The following KPNA7 variants were observed in gnomAD, a reference collection of about 807,000 sequenced individuals.
KPNA7 encodes importin subunit alpha-8.
Under a neutral mutation model 53.7 loss-of-function variants are expected in KPNA7, and 54 were observed. That is an observed-to-expected ratio of 1.01 (90% CI 0.81 to 1.26). KPNA7 has a LOEUF of 1.26. KPNA7 is among the 50% of genes most tolerant of loss of function. The probability of loss-of-function intolerance (pLI) is 0.00; values close to 1 mark genes in which losing one functional copy is unlikely to be tolerated. For missense variants in KPNA7, 640 were observed against 644.5 expected, an observed-to-expected ratio of 0.99 and a Z score of 0.07; for synonymous variants, 276 against 259.3, an observed-to-expected ratio of 1.06 and a Z score of -0.62.
rs190609673 is a variant in KPNA7, at chr7:99,202,642, C to T, written c.201+464G>A. 3.9e-5 allele frequency among the ~76,000 whole-genome samples: 6 copies of T among 152,062 alleles called. No homozygotes were observed. In the South Asian group the frequency reaches 6.2e-4, roughly 16 times the overall value. On this transcript the variant is annotated intron_variant, in intron 3 of 10. Coordinates refer to ENST00000327442, the MANE Select transcript of KPNA7 (RefSeq NM_001145715.3). ...GGCAGGTCACCTGAGTCCAGGGGTT[C>T]GAGACCCTCCTGGTAAACATGGCAA...
chr7:99,200,898 A>G (rs868140492), intron 3 of KPNA7, among the ~76,000 whole-genome samples: 7 of 151,738 alleles, frequency 4.6e-5, no homozygotes, highest in Non-Finnish European at 7.4e-5. Flanking sequence ...ATCCCGGGAG[A>G]CAAAAGTTGC....
chr7:99,156,773 C>A, the KPNA7 span, among the ~76,000 whole-genome samples: 2 of 152,128 alleles, frequency 1.3e-5, no homozygotes, highest in African/African-American at 2.4e-5. Context: ...GATCCACCCC[C>A]CTTGGCCTCC....
Position 99,199,301 on chromosome 7 carries a change from T to C in KPNA7, c.202-3135A>G, listed in dbSNP as rs556437002. On this transcript the variant is annotated intron_variant, in intron 3 of 10. Coordinates refer to ENST00000327442, the MANE Select transcript of KPNA7 (RefSeq NM_001145715.3). The stretch of plus-strand genomic sequence containing the variant: ...GGGTCCAGAATAGCCAAAATTATAT[T>C]GAAAAAAAGAACAAAGCTGGAAGAC... Among the ~76,000 whole-genome samples, 10 of 151,672 alleles carry C rather than the reference T, an allele frequency of 6.6e-5. No homozygotes were observed. In the East Asian group the frequency reaches 1.7e-3, roughly 26 times the overall value.
the KPNA7 span, among the ~76,000 whole-genome samples, chr7:99,160,860 T>C: frequency 1.3e-5 from 2 of 151,592 alleles, no homozygotes. Flanking sequence ...TATAGCAGAG[T>C]GATTGTATGC....
the KPNA7 span, among the ~76,000 whole-genome samples, chr7:99,160,323 CCTCTCCT>C: frequency 1.3e-5 from 2 of 152,082 alleles, no homozygotes; most frequent in Non-Finnish European, 2.9e-5. Context: ...ACGCACCCGG[CCTCTCCT>C]CTGTCTTTTG....
At chr7:99,187,157 G>A (rs1169579406) in intron 7 of KPNA7, among the ~76,000 whole-genome samples, 1 of 152,052 alleles carries the variant, frequency 6.6e-6, no homozygotes, top group East Asian at 1.9e-4. Context: ...CGTGATGGTA[G>A]TGGGTGCCTG....
At chr7:99,153,511 T>C in the KPNA7 span, among the ~76,000 whole-genome samples, 2 of 150,982 alleles carry the variant, frequency 1.3e-5, no homozygotes, top group South Asian at 4.2e-4. Flanking sequence ...GATTGTACCA[T>C]TGCACTCCAG....
the KPNA7 span, among the ~76,000 whole-genome samples, chr7:99,157,836 G>A: frequency 6.6e-6 from 1 of 151,936 alleles, no homozygotes; most frequent in African/African-American, 2.4e-5. Context: ...GTGCAGTGGT[G>A]TGATCACAGC....
chr7:99,181,031 G>C (rs62640522), intron 9 of KPNA7, among the ~76,000 whole-genome samples: 128 of 8,148 alleles, frequency 0.016, 59 homozygotes, highest in Middle Eastern at 0.17. Flanking sequence ...GTGTCTCTCT[G>C]TGTGTGTCTC....
intron 3 of KPNA7, 67 bp from the exon 4 acceptor site, chr7:99,196,233 G>C: frequency 1.8e-6 from 2 of 1,113,944 alleles, no homozygotes; most frequent in Non-Finnish European, 2.7e-6. Context: ...ACCTACTCTA[G>C]CCATCATCCA....
At chr7:99,213,932 A>G (rs1018491240) in intron 1 of KPNA7, among the ~76,000 whole-genome samples, 13 of 152,142 alleles carry the variant, frequency 8.5e-5, no homozygotes, top group Admixed American at 2.6e-4. Flanking sequence ...ATGTGCCCAG[A>G]ATTTTAGACA....
rs1563068926 is a variant in KPNA7 at position 99,181,031 on chromosome 7, GTGTGTGTCTCTCTCTCTCTCTCCGTC to G, written c.1317+826_1317+851del. Among the ~76,000 whole-genome samples the G allele has an allele frequency of 4.7e-3, 38 of 8,148 alleles. 14 individuals carry two copies. Among genetic ancestry groups the G allele is most frequent in the African/African-American group, 0.011 (38 of 3,448 alleles). 5.3% of individuals were successfully genotyped at this position (8,148 alleles called of 152,430 possible). On this transcript the variant is annotated intron_variant, in intron 9 of 10. Transcript: ENST00000327442. ...TCTCTCTCTGTGTGTGTGTCTCTCTGTGTGTGTCTCTCTCTCTCTCTCCGTCTGTGTCTCTCTCTCCATCTGTGTCT... is the reference window on the plus strand; with the variant it reads ...TCTCTCTCTGTGTGTGTGTCTCTCTGTGTGTCTCTCTCTCCATCTGTGTCT...
downstream of KPNA7, among the ~76,000 whole-genome samples, chr7:99,171,623 T>C (rs1193199792): frequency 6.6e-6 from 1 of 152,184 alleles, no homozygotes; most frequent in Admixed American, 6.5e-5. Flanking sequence ...TAGCTGGGCA[T>C]AGTGGCACAC....
intron 8 of KPNA7, among the ~76,000 whole-genome samples, chr7:99,184,359 C>T (rs572042246): frequency 4.0e-5 from 6 of 151,898 alleles, no homozygotes; most frequent in South Asian, 4.2e-4. Context: ...GAAAGAGTTT[C>T]GCCACATTGC....
At chr7:99,212,078 G>C (rs1791085758), upstream of KPNA7, among the ~76,000 whole-genome samples, 2 of 151,990 alleles carry the variant, frequency 1.3e-5, no homozygotes, top group Non-Finnish European at 2.9e-5. Flanking sequence ...TCAGGCTTTA[G>C]ATTTCTTCAA....
chr7:99,214,567 G>A (rs1316300874), intron 1 of KPNA7, among the ~76,000 whole-genome samples: 1 of 142,200 alleles, frequency 7.0e-6, no homozygotes, highest in Non-Finnish European at 1.5e-5. Flanking sequence ...GGTGGAGGCT[G>A]CAGTGAGCAG....
chr7:99,148,919 G>A, the KPNA7 span, among the ~76,000 whole-genome samples: 4 of 124,840 alleles, frequency 3.2e-5, no homozygotes, highest in East Asian at 2.7e-4. Flanking sequence ...TTTTTGAGAC[G>A]GAGTCTTGCA....
At chr7:99,166,504 G>T in the KPNA7 span, among the ~76,000 whole-genome samples, 32 of 152,068 alleles carry the variant, frequency 2.1e-4, no homozygotes, top group African/African-American at 7.2e-4. Context: ...TAGTAGAGAT[G>T]GGGTTTCACC....
chr7:99,183,638 T>C (rs1168351445), intron 8 of KPNA7, among the ~76,000 whole-genome samples: 1 of 152,052 alleles, frequency 6.6e-6, no homozygotes, highest in Admixed American at 6.6e-5. Flanking sequence ...GGGAACTCAC[T>C]ACCCAGCCTG....
Sources: gnomAD v4.1 joint callset for allele counts (sites outside exome capture counted in the v4.1 genomes callset) on GRCh38, gnomAD v4.1.1 for gene constraint, MANE v1.5 for transcripts, NCBI Gene and HGNC (gene_info 2026-07-23, HGNC 2026-07-21) for gene names.